Variants in AMPH observed in about 807,000 individuals in gnomAD.
The protein encoded by AMPH is amphiphysin (Stiff-Mann syndrome with breast cancer 128kD autoantigen).
AMPH carries 49 observed loss-of-function variants against 99.1 expected under a neutral mutation model. The observed-to-expected ratio is 0.49, with a 90% CI of 0.39 to 0.63. AMPH has a LOEUF of 0.63. Ranked by LOEUF, AMPH falls within the 20% of genes least tolerant of loss-of-function variation. The pLI, the probability that AMPH is intolerant of heterozygous loss-of-function variation, is 0.00. For synonymous variants in AMPH, 314 were observed against 317.3 expected (o/e 0.99, Z 0.11); for missense variants, 759 against 863.4 (o/e 0.88, Z 1.52).
intron 11 of AMPH, among the ~76,000 whole-genome samples, chr7:38,443,857 A>T (rs1460746805): frequency 6.6e-6 from 1 of 152,142 alleles, no homozygotes; most frequent in Non-Finnish European, 1.5e-5. Context: ...AGGTAGGAAA[A>T]ATAAATAAAA....
chr7:38,592,616 A>G (rs905767416), intron 1 of AMPH, among the ~76,000 whole-genome samples: 2 of 151,986 alleles, frequency 1.3e-5, no homozygotes, highest in Non-Finnish European at 1.5e-5. Flanking sequence ...CTGTAGTCCC[A>G]GCTACTTGGG....
chr7:38,490,369 A>G (rs1056861356), intron 5 of AMPH, among the ~76,000 whole-genome samples: 19 of 152,158 alleles, frequency 1.2e-4, no homozygotes, highest in African/African-American at 4.6e-4. Context: ...TTCATTTACC[A>G]TATACCAACC....
intron 1 of AMPH, among the ~76,000 whole-genome samples, chr7:38,585,895 A>C (rs1167954933): frequency 1.3e-5 from 2 of 152,264 alleles, no homozygotes; most frequent in Non-Finnish European, 2.9e-5. Flanking sequence ...TTTCATTTAC[A>C]TAATCCTTAA....
chr7:38,440,160 G>A (rs373111347), intron 11 of AMPH, among the ~76,000 whole-genome samples: 7 of 152,190 alleles, frequency 4.6e-5, no homozygotes, highest in Admixed American at 3.3e-4. Context: ...CAGTGTTAAA[G>A]ATAAATTCAT....
intron 14 of AMPH, chr7:38,428,918 A>C: frequency 1.0e-6 from 1 of 960,382 alleles, no homozygotes; most frequent in Non-Finnish European, 1.5e-6. Context: ...CCACTTCATT[A>C]ATTTTTAAGG....
intron 11 of AMPH, among the ~76,000 whole-genome samples, chr7:38,442,030 A>C (rs1410127841): frequency 6.6e-6 from 1 of 151,842 alleles, no homozygotes; most frequent in Non-Finnish European, 1.5e-5. Context: ...ACATGTTCTC[A>C]CAAGTGAGAG....
intron 1 of AMPH, among the ~76,000 whole-genome samples, chr7:38,598,277 G>A (rs1793131099): frequency 1.3e-5 from 2 of 151,724 alleles, no homozygotes; most frequent in South Asian, 2.1e-4. Flanking sequence ...TTCTTTTGTT[G>A]TTGTTGTTGT....
At chr7:38,532,998 C>T (rs190424427) in intron 2 of AMPH, among the ~76,000 whole-genome samples, 1 of 152,312 alleles carries the variant, frequency 6.6e-6, no homozygotes, top group African/African-American at 2.4e-5. Context: ...ACATGAATCA[C>T]TTCTTCAATC....
At chr7:38,436,473 C>CAA in intron 11 of AMPH, 85 bp from the exon 12 acceptor site, 2 of 979,738 alleles carry the variant, frequency 2.0e-6, no homozygotes, top group Non-Finnish European at 3.2e-6. Flanking sequence ...TATACTCTCT[C>CAA]TAATATTATT....
intron 2 of AMPH, among the ~76,000 whole-genome samples, chr7:38,534,033 T>G (rs1212774043): frequency 6.7e-6 from 1 of 150,356 alleles, no homozygotes; most frequent in Non-Finnish European, 1.5e-5. Flanking sequence ...AATCTGTTTC[T>G]CAACCTCTTT....
At chr7:38,537,173 A>AT in intron 1 of AMPH, among the ~76,000 whole-genome samples, 1 of 152,336 alleles carries the variant, frequency 6.6e-6, no homozygotes, top group South Asian at 2.1e-4. Context: ...AGCAAAAAAA[A>AT]TTCCCATCAA....
At chr7:38,519,150 C>A (rs1789860004) in intron 2 of AMPH, among the ~76,000 whole-genome samples, 1 of 152,246 alleles carries the variant, frequency 6.6e-6, no homozygotes, top group Non-Finnish European at 1.5e-5. Context: ...CCAATGCTGG[C>A]ACCACATCCT....
intron 1 of AMPH, among the ~76,000 whole-genome samples, chr7:38,553,519 A>T (rs1540479): frequency 0.69 from 105,492 of 151,986 alleles, 37,159 homozygotes; most frequent in East Asian, 0.88. Context: ...TTACTGAGGG[A>T]TCACACGTGC....
intron 1 of AMPH, among the ~76,000 whole-genome samples, chr7:38,586,589 A>G (rs190116496): frequency 1.3e-5 from 2 of 152,292 alleles, no homozygotes; most frequent in African/African-American, 4.8e-5. Flanking sequence ...ATTCATGTAA[A>G]AATACAAGGT....
At chr7:38,519,207 T>C (rs1789863625) in intron 2 of AMPH, among the ~76,000 whole-genome samples, 1 of 152,224 alleles carries the variant, frequency 6.6e-6, no homozygotes, top group African/African-American at 2.4e-5. Flanking sequence ...TTCCTTTCTT[T>C]ATAAATTACC....
intron 1 of AMPH, among the ~76,000 whole-genome samples, chr7:38,628,178 G>T (rs1319152930): frequency 1.3e-5 from 2 of 152,176 alleles, no homozygotes; most frequent in East Asian, 3.8e-4. Context: ...ACAAAAACAC[G>T]AATGCACAAA....
At chr7:38,627,387 C>CAAAAAAAAAAAAAAAA (rs70977419) in intron 1 of AMPH, among the ~76,000 whole-genome samples, 3 of 116,938 alleles carry the variant, frequency 2.6e-5, no homozygotes, top group African/African-American at 3.5e-5. Context: ...ACTAAAAATA[C>CAAAAAAAAAAAAAAAA]AAAAAAAAAA....
intron 1 of AMPH, among the ~76,000 whole-genome samples, chr7:38,601,119 C>T (rs1201286644): frequency 2.0e-5 from 3 of 152,212 alleles, no homozygotes; most frequent in Admixed American, 6.5e-5. Context: ...GTGAGCAGTG[C>T]CACCTTACCA....
chr7:38,606,978 T>G (rs1456309383), intron 1 of AMPH, among the ~76,000 whole-genome samples: 1 of 152,234 alleles, frequency 6.6e-6, no homozygotes, highest in African/African-American at 2.4e-5. Context: ...TTTCTACCTT[T>G]GACTGTTATA....
Sources: gnomAD v4.1 joint callset for allele counts (sites outside exome capture counted in the v4.1 genomes callset) on GRCh38, gnomAD v4.1.1 for gene constraint, MANE v1.5 for transcripts, NCBI Gene and HGNC (gene_info 2026-07-23, HGNC 2026-07-21) for gene names.